Variants in DACH1 observed in about 807,000 individuals in gnomAD.
The protein encoded by DACH1 is dachshund homolog 1.
Under a neutral mutation model 54.2 loss-of-function variants are expected in DACH1, and 12 were observed. The observed-to-expected ratio is 0.22, with a 90% CI of 0.14 to 0.36. DACH1 has a LOEUF of 0.36. Ranked by LOEUF, DACH1 falls within the 10% of genes least tolerant of loss-of-function variation. The pLI is 1.00. For synonymous variants in DACH1, 386 were observed against 366.2 expected, an observed-to-expected ratio of 1.05 and a Z score of -0.62; for missense variants, 805 against 929.8, an observed-to-expected ratio of 0.87 and a Z score of 1.75.
chr13:71,741,349 A>T (rs1176308173), intron 1 of DACH1, among the ~76,000 whole-genome samples: 1 of 152,228 alleles, frequency 6.6e-6, no homozygotes, highest in Non-Finnish European at 1.5e-5. Context: ...AAGTAAGGAC[A>T]GGCTGGCATA....
At chr13:71,654,601 G>A (rs2138633620) in intron 2 of DACH1, among the ~76,000 whole-genome samples, 1 of 151,946 alleles carries the variant, frequency 6.6e-6, no homozygotes, top group South Asian at 2.1e-4. Flanking sequence ...TACTATAAGT[G>A]GGCCTCAATA....
chr13:71,501,907 A>G (rs181704810), intron 6 of DACH1, among the ~76,000 whole-genome samples: 1 of 152,108 alleles, frequency 6.6e-6, no homozygotes, highest in Admixed American at 6.6e-5. Context: ...TATTTTACAC[A>G]TTAATATGTA....
chr13:71,520,722 C>G (rs1195580279), intron 6 of DACH1, among the ~76,000 whole-genome samples: 2 of 151,460 alleles, frequency 1.3e-5, no homozygotes, highest in Admixed American at 1.3e-4. Flanking sequence ...ATTGAATTAA[C>G]AATAGCAGCC....
intron 1 of DACH1, among the ~76,000 whole-genome samples, chr13:71,857,444 T>C (rs576706056): frequency 6.6e-6 from 1 of 151,550 alleles, no homozygotes; most frequent in East Asian, 1.9e-4. Context: ...ATCCTACAGG[T>C]GTATATGTTA....
At chr13:71,589,114 C>CATA (rs1873507611) in intron 3 of DACH1, among the ~76,000 whole-genome samples, 1 of 151,984 alleles carries the variant, frequency 6.6e-6, no homozygotes, top group Non-Finnish European at 1.5e-5. Context: ...TTAATAGTAA[C>CATA]TCAAAAATTT....
chr13:71,504,831 C>A (rs916794694), intron 6 of DACH1, among the ~76,000 whole-genome samples: 2 of 152,018 alleles, frequency 1.3e-5, no homozygotes, highest in Non-Finnish European at 2.9e-5. Flanking sequence ...TATTGTTTGT[C>A]TTCTTCAATT....
intron 6 of DACH1, among the ~76,000 whole-genome samples, chr13:71,529,388 T>A (rs1277995414): frequency 6.6e-6 from 1 of 152,062 alleles, no homozygotes; most frequent in African/African-American, 2.4e-5. Context: ...GGTTTCACCA[T>A]GTTAGCAACG....
At chr13:71,678,932 T>C (rs185254363) in intron 2 of DACH1, among the ~76,000 whole-genome samples, 3 of 152,334 alleles carry the variant, frequency 2.0e-5, no homozygotes, top group Admixed American at 2.0e-4. Context: ...AGTGCTGGGA[T>C]TGTAGGCCTG....
At chr13:71,556,743 C>A (rs946748973) in intron 6 of DACH1, among the ~76,000 whole-genome samples, 1 of 151,536 alleles carries the variant, frequency 6.6e-6, no homozygotes, top group African/African-American at 2.4e-5. Context: ...AAATAGCAGA[C>A]CCTTTAGGAA....
rs1873709478 is a variant in DACH1 at position 71,438,491 on chromosome 13, T to A, written c.*2164A>T. The A allele has an allele frequency of 1.3e-5, 2 of 152,446 alleles. No individual in the cohort carries two copies. The highest frequency in any genetic ancestry group is 1.3e-4 in the Admixed American group (2 of 15,264). 9.4% of individuals were successfully genotyped at this position (152,446 alleles called of 1,614,324 possible). A position where few individuals can be genotyped will look rare whatever the true frequency, so the allele number is the denominator to read the frequency against. On this transcript the variant is annotated 3_prime_UTR_variant, in exon 11 of 11. Transcript: ENST00000613252. ...AGAGTCTCTCTTAACATACAGCTGA[T>A]AGCTTTTTTCTTTAATCCTTGCTAA...
At chr13:71,705,802 T>C (rs1383760399) in intron 1 of DACH1, among the ~76,000 whole-genome samples, 1 of 152,080 alleles carries the variant, frequency 6.6e-6, no homozygotes, top group Non-Finnish European at 1.5e-5. Context: ...CTTCTGAGCA[T>C]GTCATGAAGT....
intron 3 of DACH1, among the ~76,000 whole-genome samples, chr13:71,614,853 C>CAAAAAAAAAAAAA (rs397978208): frequency 2.0e-5 from 1 of 48,926 alleles, no homozygotes; most frequent in Admixed American, 2.2e-4. Flanking sequence ...AACTCTATCT[C>CAAAAAAAAAAAAA]AAAAAAAAAA....
chr13:71,733,061 G>A (rs1170482749), intron 1 of DACH1, among the ~76,000 whole-genome samples: 2 of 151,490 alleles, frequency 1.3e-5, no homozygotes, highest in Admixed American at 1.3e-4. Flanking sequence ...CATATAGCAA[G>A]GTCCTTAAAA....
rs73523432 is a variant in DACH1 at position 71,695,769 on chromosome 13, C to G, written c.849-13859G>C. On this transcript the variant is annotated intron_variant, in intron 1 of 10. Coordinates refer to ENST00000613252, the MANE Select transcript of DACH1 (RefSeq NM_080759.6). ...TCACCAAGGCTTGTTTCTTCTAAAG[C>G]CCTCCTCCACTGTCCATTACAGAGG... Among the ~76,000 whole-genome samples, 1,149 of 152,324 alleles carry G rather than the reference C, an allele frequency of 7.5e-3. 21 individuals are homozygous for G. Among genetic ancestry groups the G allele is most frequent in the African/African-American group, 0.026 (1,088 of 41,562 alleles).
intron 6 of DACH1, among the ~76,000 whole-genome samples, chr13:71,497,575 G>T (rs547276876): frequency 6.6e-6 from 1 of 151,976 alleles, no homozygotes; most frequent in East Asian, 1.9e-4. Context: ...TGGGTGATCC[G>T]CCTGCCTCGG....
chr13:71,630,940 A>T (rs1330910226), intron 2 of DACH1, among the ~76,000 whole-genome samples: 4 of 152,148 alleles, frequency 2.6e-5, no homozygotes, highest in African/African-American at 9.7e-5. Context: ...CAGAAACACA[A>T]TTCACAGGTA....
At chr13:71,694,855 G>A (rs1359593040) in intron 1 of DACH1, among the ~76,000 whole-genome samples, 1 of 152,120 alleles carries the variant, frequency 6.6e-6, no homozygotes, top group East Asian at 1.9e-4. Flanking sequence ...ATTACATAAT[G>A]TATGAACTAG....
At chr13:71,576,595 C>T (rs926763838) in intron 3 of DACH1, among the ~76,000 whole-genome samples, 1 of 152,166 alleles carries the variant, frequency 6.6e-6, no homozygotes, top group African/African-American at 2.4e-5. Context: ...GCCATCTCTA[C>T]TCTAAGGGCA....
intron 10 of DACH1, among the ~76,000 whole-genome samples, chr13:71,455,742 G>GAT (rs1294499684): frequency 6.6e-6 from 1 of 152,020 alleles, no homozygotes; most frequent in East Asian, 1.9e-4. Context: ...AAAGATACCA[G>GAT]ATTGAATGAA....
Sources: gnomAD v4.1 joint callset for allele counts (sites outside exome capture counted in the v4.1 genomes callset) on GRCh38, gnomAD v4.1.1 for gene constraint, MANE v1.5 for transcripts, NCBI Gene and HGNC (gene_info 2026-07-23, HGNC 2026-07-21) for gene names.